The following SPOCD1 variants were observed in gnomAD, a reference collection of about 807,000 sequenced individuals.
SPOCD1 encodes the protein SPOC domain-containing protein 1.
Under a neutral mutation model 92.2 loss-of-function variants are expected in SPOCD1, and 64 were observed. That is an observed-to-expected ratio of 0.69 (90% confidence interval 0.57 to 0.86). SPOCD1 has a LOEUF of 0.86. Among genes scored for constraint, SPOCD1 ranks in the 40% least tolerant of loss-of-function variants. The probability of loss-of-function intolerance (pLI) is 0.00; values close to 1 mark genes in which losing one functional copy is unlikely to be tolerated. For missense variants in SPOCD1, 1,360 were observed against 1,543.1 expected (o/e 0.88, Z 1.99); for synonymous variants, 578 against 619.3 (o/e 0.93, Z 0.99).
In SPOCD1 at chr1:31,793,484, G is replaced by A. The variant is rs114166047; in HGVS notation, c.2535-56C>T. On this transcript the variant is annotated intron_variant, in intron 12 of 15. Coordinates refer to ENST00000360482, the MANE Select transcript of SPOCD1 (RefSeq NM_144569.7). ...CAGAGCAGGCCATGAGGACTTCCCC[G>A]GCACCTCCTTTCTTTTCAGAGCAGA... 4.9e-4 allele frequency: 764 copies of A among 1,544,896 alleles called. 1 individual carries two copies. In the African/African-American group the frequency reaches 6.2e-3, roughly 13 times the overall value.
chr1:31,792,296 C>T lies in SPOCD1; in HGVS notation c.2881G>A (p.Val961Met). 1.2e-6 allele frequency: 2 copies of T among 1,613,822 alleles called. No homozygotes were observed. Among genetic ancestry groups the T allele is most frequent in the Non-Finnish European group, 8.5e-7 (1 of 1,179,936 alleles). The change falls in exon 15 of 16, where the codon GTG becomes ATG. Residue 961 changes from valine (V) to methionine (M), a missense_variant. Physicochemically the swap from Val to Met is conservative, Grantham distance 21 (BLOSUM62 1). Coordinates refer to ENST00000360482, the MANE Select transcript of SPOCD1 (RefSeq NM_144569.7). ...NDRQRHGLAS[V>M]EHMGMVLLPL... ...AGCAGGACCATCCCCATGTGCTCCA[C>T]AGAGGCCAGCCCGTGGCGCTGCCTA...
chr1:31,793,495 T>A, intron 12 of SPOCD1, 67 bp from the exon 13 acceptor site: 1 of 1,539,434 alleles, frequency 6.5e-7, no homozygotes, highest in East Asian at 2.4e-5. Context: ...GCACCTCCTT[T>A]CTTTTCAGAG....
At position 31,790,794 on chromosome 1, in the gene SPOCD1, C is replaced by T. The variant is rs573897332; in HGVS notation, c.3460G>A (p.Glu1154Lys). The T allele has an allele frequency of 7.8e-6, 12 of 1,546,146 alleles. No homozygotes were observed. Among genetic ancestry groups the T allele is most frequent in the East Asian group, 2.4e-5 (1 of 41,114 alleles). Residue 1154 changes from glutamate to lysine, a missense_variant, in exon 16 of 16, where the codon GAA (glutamate) becomes AAA (lysine). This residue lies in a region of SPOCD1 where 614 missense variants were observed against 757.8 expected (regional missense o/e 0.81). Coordinates refer to ENST00000360482, the MANE Select transcript of SPOCD1 (RefSeq NM_144569.7). ...TGGTGACTCATGGTCGCCAGGGATTCGAGGTGCCGGAGCAGGGCTTGGTGG... is the reference window on the plus strand; with the variant it reads ...TGGTGACTCATGGTCGCCAGGGATTTGAGGTGCCGGAGCAGGGCTTGGTGG... Reference protein sequence around the residue: ...CPHQALLRHLESLATMSHQLQ... With the variant: ...CPHQALLRHLKSLATMSHQLQ...
intron 6 of SPOCD1, 37 bp downstream of exon 6, chr1:31,799,772 T>G (rs761191023): frequency 3.1e-6 from 5 of 1,611,678 alleles, no homozygotes; most frequent in Non-Finnish European, 4.2e-6. Context: ...CCCAGCAGTC[T>G]CTGGAAGCAG....
intron 2 of SPOCD1, among the ~76,000 whole-genome samples, chr1:31,813,623 A>C (rs1649345372): frequency 6.6e-6 from 1 of 152,180 alleles, no homozygotes; most frequent in African/African-American, 2.4e-5. Context: ...ATGAAGCTGC[A>C]ATTAGTATCC....
rs1557823525 is a variant in SPOCD1 at position 31,800,586 on chromosome 1, C to G, written c.1457G>C (p.Gly486Ala). The change falls in exon 4 of 16, where the codon GGG (glycine) becomes GCG (alanine). Residue 486 changes from glycine to alanine, a missense_variant. By Grantham distance (60) the Gly-to-Ala change is moderately conservative. Around this residue, in one of 3 missense-constraint regions of SPOCD1, gnomAD observed 606 missense variants for 601.5 expected, o/e 1.01. Transcript: ENST00000360482. ...CCCTGCCTGGCCGTGGCTGATGGCC[C>G]CCAGGAGCTGGATCACTGGCCCGGA... ...LGSGPVIQLL[G>A]AISHGQAGGQ... is the part of the protein sequence containing the mutation. 1.9e-6 allele frequency: 3 copies of G among 1,610,038 alleles called. No homozygotes were observed. The highest frequency in any genetic ancestry group is 1.7e-5 in the Admixed American group (1 of 59,726).
At chr1:31,813,425 C>T (rs932834151) in intron 2 of SPOCD1, among the ~76,000 whole-genome samples, 2 of 152,146 alleles carry the variant, frequency 1.3e-5, no homozygotes, top group Admixed American at 6.5e-5. Context: ...CCACCATGCC[C>T]AGCTAATTTT....
chr1:31,798,406 G>A lies in SPOCD1; in HGVS notation c.2028+36C>T. The stretch of plus-strand genomic sequence containing the variant: ...CATCCTGCAGGGGCTCTGAGATTCA[G>A]AGAGGGGACGCAGCCCAGCCCAAAG... On this transcript the variant is annotated intron_variant, in intron 8 of 15. Coordinates refer to ENST00000360482, the MANE Select transcript of SPOCD1 (RefSeq NM_144569.7). The surrounding 1 kb of genome is among the most constrained non-coding windows in gnomAD (Gnocchi z 4.1). 1 of 1,592,542 alleles carries A rather than the reference G, an allele frequency of 6.3e-7. No homozygotes were observed. Among genetic ancestry groups the A allele is most frequent in the Non-Finnish European group, 8.6e-7 (1 of 1,167,800 alleles).
chr1:31,811,003 A>G (rs1272022464), intron 2 of SPOCD1, among the ~76,000 whole-genome samples: 1 of 152,156 alleles, frequency 6.6e-6, no homozygotes, highest in Non-Finnish European at 1.5e-5. Flanking sequence ...GGACAAGAGA[A>G]TGGCATCCAG....
intron 2 of SPOCD1, among the ~76,000 whole-genome samples, chr1:31,807,350 C>A (rs1479590215): frequency 1.1e-5 from 1 of 92,804 alleles, no homozygotes; most frequent in Non-Finnish European, 2.1e-5. Context: ...GATAGCACCA[C>A]TGCACTCCAG....
chr1:31,799,451 A>G lies in SPOCD1; in HGVS notation c.1818T>C (p.Ile606=), dbSNP rs763260413. 1 of 1,611,988 alleles carries G rather than the reference A, an allele frequency of 6.2e-7. No homozygotes were observed. The highest frequency in any genetic ancestry group is 1.1e-5 in the South Asian group (1 of 90,476). ...QLQQEKPSLY[I]GVRGTVVRSM... The stretch of plus-strand genomic sequence containing the variant: ...AACGGACAACAGTGCCCCGCACCCC[A>G]ATATACAGGGATGGCTTCTCCTGTT... Residue 606 remains isoleucine (I), a synonymous_variant, in exon 7 of 16, where the codon ATT becomes ATC. Coordinates refer to ENST00000360482, the MANE Select transcript of SPOCD1 (RefSeq NM_144569.7).
chr1:31,813,624 A>G (rs932862109), intron 2 of SPOCD1, among the ~76,000 whole-genome samples: 3 of 152,170 alleles, frequency 2.0e-5, no homozygotes, highest in African/African-American at 7.2e-5. Context: ...TGAAGCTGCA[A>G]TTAGTATCCT....
intron 2 of SPOCD1, among the ~76,000 whole-genome samples, chr1:31,806,927 C>G (rs1298965933): frequency 6.6e-6 from 1 of 152,124 alleles, no homozygotes; most frequent in Non-Finnish European, 1.5e-5. Context: ...TTTACACTTA[C>G]AGTACATCTC....
At chr1:31,815,459 C>T in intron 1 of SPOCD1, 87 bp from the exon 2 acceptor site, 2 of 981,980 alleles carry the variant, frequency 2.0e-6, no homozygotes, top group South Asian at 4.3e-5. Flanking sequence ...GCCCCTCTTC[C>T]AGCCAGCTCT....
At chr1:31,800,666 C>T (rs760907936) in intron 3 of SPOCD1, 49 bp from the exon 4 acceptor site, 28 of 1,504,044 alleles carry the variant, frequency 1.9e-5, no homozygotes, top group Non-Finnish European at 2.5e-5. Flanking sequence ...GCCGCTGTCC[C>T]CGCCTTCAGA....
intron 12 of SPOCD1, 90 bp from the exon 13 acceptor site, chr1:31,793,518 C>CT: frequency 6.5e-7 from 1 of 1,529,122 alleles, no homozygotes; most frequent in Non-Finnish European, 8.9e-7. Flanking sequence ...GATCCTGTGT[C>CT]CCTACTGTGG....
rs1649460488 is a variant in SPOCD1, at chr1:31,814,964, A to G, written c.370T>C (p.Cys124Arg). ...GGGCAACTGTCATCTAAGATGTCAC[A>G]CAGAGAAACCTGGAGCCTCTTGGAG... ...LTSKRLQVSLCDILDDSCPRK... is the reference protein window; with the variant it reads ...LTSKRLQVSLRDILDDSCPRK... The change falls in exon 2 of 16, where the codon TGT (cysteine) becomes CGT (arginine). Residue 124 changes from cysteine to arginine, a missense_variant. Cys to Arg is a radical substitution (Grantham distance 180). Transcript: ENST00000360482. The surrounding 1 kb of genome is among the most constrained non-coding windows in gnomAD (Gnocchi z 4.2). 6.2e-7 allele frequency: 1 copy of G among 1,613,836 alleles called. No individual in the cohort carries two copies. The highest frequency in any genetic ancestry group is 1.3e-5 in the African/African-American group (1 of 74,916).
Position 31,814,349 on chromosome 1 carries a change from A to G in SPOCD1, c.985T>C (p.Cys329Arg), listed in dbSNP as rs1308218974. Residue 329 changes from cysteine to arginine, a missense_variant, in exon 2 of 16, where the codon TGC (cysteine) becomes CGC (arginine). Cys to Arg is a radical substitution (Grantham distance 180). Transcript: ENST00000360482. The surrounding 1 kb of genome is among the most constrained non-coding windows in gnomAD (Gnocchi z 4.2). ...GAGGCCTGTGCTGACGCCCCCAGGC[A>G]CAGTGCTGCGCTCTGTGGAGGAGCC... ...AQAPPQSAAL[C>R]LGASAQASAE... The G allele has an allele frequency of 6.3e-7, 1 of 1,586,496 alleles. No individual in the cohort carries two copies. The highest frequency in any genetic ancestry group is 1.1e-5 in the South Asian group (1 of 88,416).
chr1:31,800,163 G>C (rs770569874), intron 4 of SPOCD1, 22 bp from the exon 5 acceptor site: 3 of 1,572,570 alleles, frequency 1.9e-6, no homozygotes, highest in Non-Finnish European at 1.7e-6. Context: ...GAGCAGACAA[G>C]CTATTGGCCG....
Sources: gnomAD v4.1 joint callset for allele counts (sites outside exome capture counted in the v4.1 genomes callset) on GRCh38, gnomAD v4.1.1 for gene constraint, gnomAD v4.1.1 regional missense constraint, Gnocchi (gnomAD v3.1) non-coding constraint, MANE v1.5 for transcripts, NCBI Gene and HGNC (gene_info 2026-07-23, HGNC 2026-07-21) for gene names.